FBXO4: variants seen among roughly 807,000 people sequenced by gnomAD.
FBXO4 encodes F-box only protein 4.
Under a neutral mutation model 43.7 loss-of-function variants are expected in FBXO4, and 36 were observed. That is an observed-to-expected ratio of 0.82 (90% CI 0.63 to 1.09). FBXO4 has a LOEUF of 1.09. Ranked by LOEUF, FBXO4 falls within the 50% of genes least tolerant of loss-of-function variation. The probability of loss-of-function intolerance (pLI) is 0.00; values close to 1 mark genes in which losing one functional copy is unlikely to be tolerated. For missense variants in FBXO4, 435 were observed against 474.1 expected, an observed-to-expected ratio of 0.92 and a Z score of 0.77; for synonymous variants, 180 against 165.6, an observed-to-expected ratio of 1.09 and a Z score of -0.67.
At chr5:41,955,170 T>C in the FBXO4 span, among the ~76,000 whole-genome samples, 1 of 152,222 alleles carries the variant, frequency 6.6e-6, no homozygotes, top group African/African-American at 2.4e-5. Flanking sequence ...AAGCTTCTGC[T>C]TATAGTTTTG....
At chr5:42,018,969 G>A in the FBXO4 span, among the ~76,000 whole-genome samples, 2,967 of 152,266 alleles carry the variant, frequency 0.019, 38 homozygotes, top group Middle Eastern at 0.061. Flanking sequence ...GGTGAACAGA[G>A]CGAAGGGAAC....
At chr5:42,030,993 C>A in the FBXO4 span, among the ~76,000 whole-genome samples, 1 of 152,258 alleles carries the variant, frequency 6.6e-6, no homozygotes, top group South Asian at 2.1e-4. Context: ...AATAGGAACA[C>A]TTTTGCACTG....
chr5:41,940,032 G>A (rs1239063650), intron 6 of FBXO4, among the ~76,000 whole-genome samples: 1 of 151,008 alleles, frequency 6.6e-6, no homozygotes, highest in East Asian at 1.9e-4. Context: ...TGTATTTTTT[G>A]TAGAGATGGG....
the FBXO4 span, among the ~76,000 whole-genome samples, chr5:42,003,649 C>T: frequency 1.3e-5 from 2 of 151,200 alleles, no homozygotes; most frequent in East Asian, 3.9e-4. Flanking sequence ...AGGTATTTCT[C>T]CTAATGCTAT....
intron 3 of FBXO4, among the ~76,000 whole-genome samples, chr5:41,930,612 A>C (rs1751656572): frequency 6.6e-6 from 1 of 152,200 alleles, no homozygotes; most frequent in Non-Finnish European, 1.5e-5. Context: ...CATCACAAAA[A>C]GACAGTAAAG....
intron 2 of FBXO4, among the ~76,000 whole-genome samples, chr5:41,927,577 G>T (rs1448996196): frequency 6.6e-6 from 1 of 152,136 alleles, no homozygotes; most frequent in African/African-American, 2.4e-5. Flanking sequence ...TTCAGAAAAA[G>T]GATGATCAGA....
the FBXO4 span, among the ~76,000 whole-genome samples, chr5:41,991,949 A>G: frequency 6.6e-6 from 1 of 152,082 alleles, no homozygotes; most frequent in Non-Finnish European, 1.5e-5. Flanking sequence ...GTGGTGGGGC[A>G]TGCCTGTAAT....
the FBXO4 span, among the ~76,000 whole-genome samples, chr5:41,949,274 T>A: frequency 1.3e-5 from 2 of 152,166 alleles, no homozygotes; most frequent in East Asian, 1.9e-4. Flanking sequence ...AGTCAAATTG[T>A]CTCTATTTGC....
the FBXO4 span, among the ~76,000 whole-genome samples, chr5:41,954,232 G>A: frequency 1.3e-5 from 2 of 152,012 alleles, no homozygotes; most frequent in South Asian, 2.1e-4. Flanking sequence ...AAAATTTAAG[G>A]AAATATTTAA....
At chr5:42,033,335 A>T in the FBXO4 span, among the ~76,000 whole-genome samples, 1 of 152,074 alleles carries the variant, frequency 6.6e-6, no homozygotes, top group African/African-American at 2.4e-5. Context: ...ACTGCTTTTC[A>T]TGTCCACTTA....
chr5:41,941,362 C>T lies in FBXO4; in HGVS notation c.*81C>T. The T allele has an allele frequency of 8.2e-7, 1 of 1,214,260 alleles. No individual in the cohort carries two copies. The allele number at this position is 1,214,260 out of a possible 1,614,324, so 75.2% of individuals were successfully genotyped here. A position where few individuals can be genotyped will look rare whatever the true frequency, so the allele number is the denominator to read the frequency against. On this transcript the variant is annotated 3_prime_UTR_variant, in exon 7 of 7. Transcript: ENST00000281623. ...GATGTGAATATTTGCTCAGTCAGCC[C>T]ACCTTGTCCTGCCTTTTTGCAGATA...
intron 5 of FBXO4, 58 bp downstream of exon 5, chr5:41,934,366 TA>T (rs1751793513): frequency 3.1e-6 from 5 of 1,608,154 alleles, no homozygotes; most frequent in Non-Finnish European, 4.2e-6. Context: ...AAATGGAAAA[TA>T]CCTTTTTAGA....
At chr5:41,960,687 A>G in the FBXO4 span, among the ~76,000 whole-genome samples, 1 of 151,970 alleles carries the variant, frequency 6.6e-6, no homozygotes, top group African/African-American at 2.4e-5. Context: ...TCTGGTGTTG[A>G]TGTTCTCTAT....
the FBXO4 span, among the ~76,000 whole-genome samples, chr5:41,958,117 T>C: frequency 3.3e-5 from 5 of 151,612 alleles, no homozygotes; most frequent in Admixed American, 3.3e-4. Context: ...TTCTTAAATC[T>C]AGTCTGTTAA....
the FBXO4 span, among the ~76,000 whole-genome samples, chr5:41,989,077 A>G: frequency 2.8e-4 from 42 of 152,164 alleles, no homozygotes; most frequent in Non-Finnish European, 5.0e-4. Context: ...TCACAGTTGA[A>G]TTAGTTCAAT....
At chr5:41,974,425 GT>G in the FBXO4 span, among the ~76,000 whole-genome samples, 5 of 151,982 alleles carry the variant, frequency 3.3e-5, no homozygotes, top group Admixed American at 6.5e-5. Context: ...ATTTGTTTGG[GT>G]TTTTTTGGAT....
At chr5:42,026,714 A>T in the FBXO4 span, among the ~76,000 whole-genome samples, 1 of 151,856 alleles carries the variant, frequency 6.6e-6, no homozygotes, top group South Asian at 2.1e-4. Context: ...ATATGGCTTC[A>T]ATATGATGAG....
the FBXO4 span, among the ~76,000 whole-genome samples, chr5:42,009,410 TG>T: frequency 2.7e-5 from 4 of 148,160 alleles, no homozygotes; most frequent in East Asian, 5.8e-4. Flanking sequence ...TGTGTGTGTG[TG>T]TGTTGCAGAG....
At chr5:41,999,503 A>ATG in the FBXO4 span, among the ~76,000 whole-genome samples, 3 of 67,516 alleles carry the variant, frequency 4.4e-5, no homozygotes, top group South Asian at 3.8e-4. Context: ...ACATATATAT[A>ATG]TGTGTATATA....
Sources: allele counts gnomAD v4.1 joint callset (sites outside exome capture counted in the v4.1 genomes callset), GRCh38; gene constraint gnomAD v4.1.1; transcripts MANE v1.5; gene names NCBI Gene and HGNC (gene_info 2026-07-23, HGNC 2026-07-21).